The following SSBP3 variants were observed in gnomAD, a reference collection of about 807,000 sequenced individuals.
SSBP3 encodes single stranded DNA binding protein 3, also known as single-stranded DNA-binding protein 3.
In SSBP3, 5 loss-of-function variants were observed where a neutral mutation model predicts 69.6. The ratio of observed to expected loss-of-function variants is 0.07; its 90% CI spans 0.04 to 0.15. SSBP3 has a LOEUF of 0.15. Among genes scored for constraint, SSBP3 ranks in the 10% least tolerant of loss-of-function variants. The pLI is 1.00. For missense variants in SSBP3, 312 were observed against 534.0 expected (o/e 0.58, Z 4.10); for synonymous variants, 196 against 193.4 (o/e 1.01, Z -0.11).
intron 4 of SSBP3, among the ~76,000 whole-genome samples, chr1:54,364,253 G>A (rs760759746): frequency 1.3e-5 from 2 of 152,182 alleles, no homozygotes; most frequent in African/African-American, 4.8e-5. Flanking sequence ...AACCCACAAA[G>A]CCTGAAATAT....
intron 9 of SSBP3, among the ~76,000 whole-genome samples, chr1:54,247,751 T>C (rs1275934161): frequency 1.3e-5 from 2 of 152,206 alleles, no homozygotes; most frequent in African/African-American, 4.8e-5. Flanking sequence ...GCCACCGCAC[T>C]TCTGGTGGGG....
intron 4 of SSBP3, among the ~76,000 whole-genome samples, chr1:54,391,131 C>T (rs1237496931): frequency 6.6e-6 from 1 of 152,176 alleles, no homozygotes; most frequent in Non-Finnish European, 1.5e-5. Context: ...GTGTCACCAG[C>T]CTCAGTGTCC....
intron 4 of SSBP3, chr1:54,356,553 G>GCGGC (rs1646869823): frequency 6.6e-6 from 1 of 152,190 alleles, no homozygotes; most frequent in African/African-American, 2.4e-5. Flanking sequence ...GAAGCAGAAG[G>GCGGC]CGGCCGGGAG....
At chr1:54,230,625 C>A (rs375863993) in intron 14 of SSBP3, among the ~76,000 whole-genome samples, 1 of 152,114 alleles carries the variant, frequency 6.6e-6, no homozygotes, top group East Asian at 1.9e-4. Context: ...CAATTTTGAA[C>A]GTTTCCATAA....
chr1:54,240,801 G>A, intron 13 of SSBP3, 104 bp downstream of exon 13: 2 of 1,463,682 alleles, frequency 1.4e-6, no homozygotes, highest in Non-Finnish European at 1.9e-6. Flanking sequence ...AGGAAGGAGT[G>A]GCTGGTAAGC....
At chr1:54,357,036 G>GA (rs1443392856) in intron 4 of SSBP3, among the ~76,000 whole-genome samples, 1 of 147,520 alleles carries the variant, frequency 6.8e-6, no homozygotes, top group East Asian at 2.1e-4. Flanking sequence ...AGGGCTCACA[G>GA]GGGTAACAGA....
At chr1:54,340,212 T>G (rs1646583494) in intron 4 of SSBP3, among the ~76,000 whole-genome samples, 1 of 152,252 alleles carries the variant, frequency 6.6e-6, no homozygotes, top group South Asian at 2.1e-4. Context: ...CTTGCCTCTG[T>G]GCATTCCAGA....
chr1:54,231,846 C>A (rs1447195067), intron 14 of SSBP3, among the ~76,000 whole-genome samples: 1 of 152,128 alleles, frequency 6.6e-6, no homozygotes, highest in Non-Finnish European at 1.5e-5. Context: ...AGGTGCGCGC[C>A]ACCACACCTG....
intron 1 of SSBP3, among the ~76,000 whole-genome samples, chr1:54,411,999 G>A (rs1650006520): frequency 6.6e-6 from 1 of 152,072 alleles, no homozygotes. Flanking sequence ...TCACCAGAGT[G>A]CCCTAGCCTC....
At chr1:54,243,858 G>C (rs897350490) in intron 9 of SSBP3, among the ~76,000 whole-genome samples, 1 of 152,240 alleles carries the variant, frequency 6.6e-6, no homozygotes, top group Admixed American at 6.5e-5. Flanking sequence ...GCCCTCCACA[G>C]ACATGATGCT....
At chr1:54,308,077 A>G (rs1169416518) in intron 4 of SSBP3, among the ~76,000 whole-genome samples, 1 of 152,190 alleles carries the variant, frequency 6.6e-6, no homozygotes, top group Non-Finnish European at 1.5e-5. Context: ...CCTAGTGCTT[A>G]TAGAATCCAT....
intron 9 of SSBP3, among the ~76,000 whole-genome samples, chr1:54,247,546 C>G (rs1356365017): frequency 6.6e-6 from 1 of 152,170 alleles, no homozygotes; most frequent in Non-Finnish European, 1.5e-5. Flanking sequence ...TGGACTGGCC[C>G]TGGATCAGCC....
intron 4 of SSBP3, among the ~76,000 whole-genome samples, chr1:54,309,116 CG>C (rs1557518231): frequency 6.6e-6 from 1 of 152,174 alleles, no homozygotes; most frequent in East Asian, 1.9e-4. Flanking sequence ...GACAAGCAAA[CG>C]GAACACACCA....
At chr1:54,363,197 A>G (rs1646977099) in intron 4 of SSBP3, among the ~76,000 whole-genome samples, 1 of 152,176 alleles carries the variant, frequency 6.6e-6, no homozygotes, top group Admixed American at 6.5e-5. Flanking sequence ...AAAATGACAG[A>G]CACTGCTCAT....
intron 4 of SSBP3, among the ~76,000 whole-genome samples, chr1:54,365,851 G>C (rs547923597): frequency 6.6e-6 from 1 of 152,208 alleles, no homozygotes; most frequent in Non-Finnish European, 1.5e-5. Flanking sequence ...ACTGACTCTA[G>C]AAGAACTAGT....
At chr1:54,227,716 T>C (rs781135494) in intron 17 of SSBP3, among the ~76,000 whole-genome samples, 2 of 152,188 alleles carry the variant, frequency 1.3e-5, no homozygotes, top group Non-Finnish European at 2.9e-5. Flanking sequence ...TAGCTGGGAC[T>C]ATAGGCATGC....
intron 4 of SSBP3, among the ~76,000 whole-genome samples, chr1:54,376,210 T>G (rs1037861263): frequency 6.6e-6 from 1 of 150,460 alleles, no homozygotes; most frequent in Non-Finnish European, 1.5e-5. Flanking sequence ...GTGTGTGTGT[T>G]TGTCTCACAC....
chr1:54,354,829 C>T (rs1350168536), intron 4 of SSBP3, among the ~76,000 whole-genome samples: 2 of 152,188 alleles, frequency 1.3e-5, no homozygotes, highest in Admixed American at 6.5e-5. Context: ...GACACGGTGC[C>T]TTAGGGAGGA....
chr1:54,293,982 C>CA (rs563272669), intron 4 of SSBP3, among the ~76,000 whole-genome samples: 2 of 150,406 alleles, frequency 1.3e-5, no homozygotes, highest in Non-Finnish European at 3.0e-5. Flanking sequence ...ACTAAAAATA[C>CA]AAAAAAAATT....
Sources: allele counts gnomAD v4.1 joint callset (sites outside exome capture counted in the v4.1 genomes callset), GRCh38; gene constraint gnomAD v4.1.1; transcripts MANE v1.5; gene names NCBI Gene and HGNC (gene_info 2026-07-23, HGNC 2026-07-21).